GRM1: variants seen among roughly 807,000 people sequenced by gnomAD.
GRM1 encodes glutamate metabotropic receptor 1.
In GRM1, 33 loss-of-function variants were observed where a neutral mutation model predicts 90.9. The ratio of observed to expected loss-of-function variants is 0.36; its 90% CI spans 0.28 to 0.49. The LOEUF is 0.49. Ranked by LOEUF, GRM1 falls within the 20% of genes least tolerant of loss-of-function variation. The pLI is 0.99. For missense variants in GRM1, 1,190 were observed against 1,534.3 expected, an observed-to-expected ratio of 0.78 and a Z score of 3.75; for synonymous variants, 700 against 613.2, an observed-to-expected ratio of 1.14 and a Z score of -2.09.
At chr6:146,402,759 G>A (rs1300617906) in intron 7 of GRM1, among the ~76,000 whole-genome samples, 2 of 152,170 alleles carry the variant, frequency 1.3e-5, no homozygotes, top group African/African-American at 2.4e-5. Flanking sequence ...TCTGAGATAC[G>A]TGGTTGGAAT....
chr6:146,054,770 T>G (rs7755440), intron 1 of GRM1, among the ~76,000 whole-genome samples: 20 of 152,074 alleles, frequency 1.3e-4, no homozygotes, highest in Non-Finnish European at 2.6e-4. Context: ...ATAGAAAGAA[T>G]AGGACAAAGA....
chr6:146,433,225 T>TA lies in GRM1; in HGVS notation c.2661-640dup, dbSNP rs1778475949. 5.3e-5 allele frequency among the ~76,000 whole-genome samples: 8 copies of TA among 152,312 alleles called. No homozygotes were observed. The South Asian group carries it at 1.4e-3, about 28-fold the overall frequency. On this transcript the variant is annotated intron_variant, in intron 7 of 7. Transcript: ENST00000282753. ...TGAGAAATAATGCATTGAAATGTTT[T>TA]AAAAAAATCAAAAGCTATGAAGCTC...
Position 146,398,963 on chromosome 6 carries a change from T to C in GRM1, c.1924T>C (p.Tyr642His). 1.2e-6 allele frequency: 2 copies of C among 1,614,172 alleles called. No individual in the cohort carries two copies. Among genetic ancestry groups the C allele is most frequent in the Non-Finnish European group, 1.7e-6 (2 of 1,180,010 alleles). The change falls in exon 7 of 8, where the codon TAT becomes CAT. Residue 642 changes from tyrosine (Y) to histidine (H), a missense_variant. Transcript: ENST00000282753. Reference sequence around the variant, plus strand: ...CATCCTAGCTGGCATCTTCCTTGGTTATGTGTGCCCATTCACTCTCATTGC... The same window carrying C: ...CATCCTAGCTGGCATCTTCCTTGGTCATGTGTGCCCATTCACTCTCATTGC... ...YIILAGIFLG[Y>H]VCPFTLIAKP... is the part of the protein sequence containing the mutation.
At chr6:146,312,750 A>G (rs977012701) in intron 3 of GRM1, among the ~76,000 whole-genome samples, 5 of 152,232 alleles carry the variant, frequency 3.3e-5, no homozygotes, top group African/African-American at 1.2e-4. Flanking sequence ...CAAGTTAGTG[A>G]TTTGAGACTG....
At chr6:146,309,717 G>C (rs362961) in intron 3 of GRM1, among the ~76,000 whole-genome samples, 1 of 151,468 alleles carries the variant, frequency 6.6e-6, no homozygotes, top group African/African-American at 2.4e-5. Flanking sequence ...AAAAAAAAAA[G>C]CACTGAATAT....
intron 2 of GRM1, among the ~76,000 whole-genome samples, chr6:146,283,172 A>G (rs1782636588): frequency 6.6e-6 from 1 of 152,218 alleles, no homozygotes; most frequent in Non-Finnish European, 1.5e-5. Context: ...AGAGCATCCC[A>G]GCAGAACCCA....
intron 1 of GRM1, among the ~76,000 whole-genome samples, chr6:146,147,368 T>G (rs1562492378): frequency 6.6e-6 from 1 of 152,158 alleles, no homozygotes; most frequent in Non-Finnish European, 1.5e-5. Context: ...CAGTTTCCTC[T>G]GTAAATGGAG....
At chr6:146,201,930 T>A (rs1482647490) in intron 2 of GRM1, among the ~76,000 whole-genome samples, 1 of 152,234 alleles carries the variant, frequency 6.6e-6, no homozygotes, top group Non-Finnish European at 1.5e-5. Flanking sequence ...ATGTGGGCAT[T>A]CCTGTGTTGT....
chr6:146,092,957 C>T (rs1776760635), intron 1 of GRM1, among the ~76,000 whole-genome samples: 1 of 152,026 alleles, frequency 6.6e-6, no homozygotes, highest in Admixed American at 6.6e-5. Context: ...GTTCTTTCTC[C>T]TTTAAGAGAT....
intron 2 of GRM1, among the ~76,000 whole-genome samples, chr6:146,196,664 A>G (rs1411367306): frequency 6.6e-6 from 1 of 151,960 alleles, no homozygotes; most frequent in African/African-American, 2.4e-5. Context: ...CCACCTGGGA[A>G]CTTGTTAGAA....
intron 7 of GRM1, among the ~76,000 whole-genome samples, chr6:146,409,225 C>T (rs917492662): frequency 4.6e-5 from 7 of 152,258 alleles, no homozygotes; most frequent in South Asian, 2.1e-4. Context: ...ATCTTTATTT[C>T]GTGAGCACGC....
At chr6:146,223,662 A>G (rs1205053223) in intron 2 of GRM1, among the ~76,000 whole-genome samples, 1 of 152,128 alleles carries the variant, frequency 6.6e-6, no homozygotes, top group Non-Finnish European at 1.5e-5. Flanking sequence ...TTGTGGAAAA[A>G]GCAAAGCAAT....
intron 1 of GRM1, among the ~76,000 whole-genome samples, chr6:146,120,207 T>G (rs776025811): frequency 9.9e-4 from 151 of 152,362 alleles, no homozygotes; most frequent in Non-Finnish European, 1.4e-3. Context: ...GAAGCAATTG[T>G]GAATGGGAGT....
intron 7 of GRM1, among the ~76,000 whole-genome samples, chr6:146,425,405 C>G (rs1448270869): frequency 6.6e-6 from 1 of 152,176 alleles, no homozygotes; most frequent in African/African-American, 2.4e-5. Context: ...ATACCTCTTC[C>G]TCCTCTTTCT....
intron 2 of GRM1, among the ~76,000 whole-genome samples, chr6:146,244,589 T>C (rs1780989027): frequency 6.6e-6 from 1 of 152,194 alleles, no homozygotes; most frequent in South Asian, 2.1e-4. Flanking sequence ...TTTCCTTCTA[T>C]TCCAGCTACT....
At chr6:146,169,626 C>G (rs1200336457) in intron 2 of GRM1, among the ~76,000 whole-genome samples, 1 of 152,210 alleles carries the variant, frequency 6.6e-6, no homozygotes, top group Non-Finnish European at 1.5e-5. Flanking sequence ...TTCCCAAACT[C>G]TGATCCCTGT....
chr6:146,138,450 A>G (rs931936847), intron 1 of GRM1, among the ~76,000 whole-genome samples: 1 of 152,090 alleles, frequency 6.6e-6, no homozygotes, highest in African/African-American at 2.4e-5. Context: ...TTTGAGTAGG[A>G]TGGGTATTAG....
intron 1 of GRM1, among the ~76,000 whole-genome samples, chr6:146,079,847 G>A (rs572911354): frequency 5.1e-4 from 77 of 152,222 alleles, no homozygotes; most frequent in African/African-American, 1.7e-3. Flanking sequence ...TTCATTGCCC[G>A]TGCAGGCAAA....
At chr6:146,183,341 G>T (rs970929358) in intron 2 of GRM1, among the ~76,000 whole-genome samples, 13 of 152,038 alleles carry the variant, frequency 8.6e-5, no homozygotes, top group African/African-American at 2.7e-4. Flanking sequence ...TTGTCCATGT[G>T]CCCAACTAGG....
Sources: gnomAD v4.1 joint callset for allele counts (sites outside exome capture counted in the v4.1 genomes callset) on GRCh38, gnomAD v4.1.1 for gene constraint, MANE v1.5 for transcripts, NCBI Gene and HGNC (gene_info 2026-07-23, HGNC 2026-07-21) for gene names.